The following SLX4IP variants were observed in gnomAD, a reference collection of about 807,000 sequenced individuals.
The protein encoded by SLX4IP is SLX4 interacting protein, also known as protein SLX4IP.
Under a neutral mutation model 32.9 loss-of-function variants are expected in SLX4IP, and 34 were observed. That is an observed-to-expected ratio of 1.03 (90% CI 0.79 to 1.38). The LOEUF (loss-of-function observed/expected upper bound fraction) is 1.38, where lower values mean the gene tolerates loss of function less well. Ranked by LOEUF, SLX4IP falls within the 40% of genes most tolerant of loss-of-function variation. The pLI, the probability that SLX4IP is intolerant of heterozygous loss-of-function variation, is 0.00. For missense variants in SLX4IP, 444 were observed against 479.0 expected, an observed-to-expected ratio of 0.93 and a Z score of 0.68; for synonymous variants, 172 against 171.7, an observed-to-expected ratio of 1.00 and a Z score of -0.01.
chr20:10,541,185 C>T (rs1210951781), intron 2 of SLX4IP, among the ~76,000 whole-genome samples: 2 of 152,180 alleles, frequency 1.3e-5, no homozygotes, highest in African/African-American at 4.8e-5. Context: ...TTTCTATTTA[C>T]AAGGAAAACA....
In SLX4IP at chr20:10,594,878, A is replaced by G. The variant is rs185037313; in HGVS notation, c.239-3797A>G. ...CTGTGGTTTGTCCTTTCTTTCTCTC[A>G]TATGCATTACTGACCACCTCTCCAT... On this transcript the variant is annotated intron_variant, in intron 4 of 7. Transcript: ENST00000334534. Among the ~76,000 whole-genome samples, 485 of 152,286 alleles carry G rather than the reference A, an allele frequency of 3.2e-3. 3 individuals are homozygous for G. The highest frequency in any genetic ancestry group is 6.8e-3 in the Middle Eastern group (2 of 294).
chr20:10,439,370 G>C (rs2065142499), intron 1 of SLX4IP, among the ~76,000 whole-genome samples: 1 of 152,026 alleles, frequency 6.6e-6, no homozygotes, highest in African/African-American at 2.4e-5. Flanking sequence ...CACTGTGCCT[G>C]GCTAATTTTT....
At position 10,478,145 on chromosome 20, in the gene SLX4IP, C is replaced by T. The variant is rs191593950; in HGVS notation, c.27+19914C>T. ...AACTCCTGAGCTCAGGCATTCCACC[C>T]GCCTCAGCCTCCCAAAGTGCTCGGA... is the stretch of plus-strand genomic sequence containing the variant. On this transcript the variant is annotated intron_variant, in intron 2 of 7. Coordinates refer to ENST00000334534, the MANE Select transcript of SLX4IP (RefSeq NM_001009608.3). 2.2e-4 allele frequency among the ~76,000 whole-genome samples: 33 copies of T among 151,826 alleles called. No homozygotes were observed. The East Asian group carries it at 5.4e-3, about 25-fold the overall frequency.
intron 2 of SLX4IP, among the ~76,000 whole-genome samples, chr20:10,500,615 G>A (rs1466837239): frequency 2.0e-5 from 3 of 152,218 alleles, no homozygotes; most frequent in East Asian, 3.9e-4. Flanking sequence ...AACCATGCGT[G>A]GTGGTGCACA....
At chr20:10,516,325 A>G (rs1183148407) in intron 2 of SLX4IP, among the ~76,000 whole-genome samples, 3 of 152,206 alleles carry the variant, frequency 2.0e-5, no homozygotes, top group Non-Finnish European at 4.4e-5. Context: ...TTTTTAGCTC[A>G]GAGAAAGTAA....
intron 4 of SLX4IP, among the ~76,000 whole-genome samples, chr20:10,572,959 G>A (rs953548262): frequency 1.3e-5 from 2 of 152,118 alleles, no homozygotes; most frequent in Non-Finnish European, 2.9e-5. Flanking sequence ...GACAAGAGGC[G>A]AAAAAGAAAA....
intron 6 of SLX4IP, among the ~76,000 whole-genome samples, chr20:10,616,560 T>G (rs149532452): frequency 2.6e-5 from 4 of 151,904 alleles, no homozygotes; most frequent in African/African-American, 9.7e-5. Context: ...CACACACCCC[T>G]CTTTCCTGCT....
chr20:10,486,786 A>G (rs971619069), intron 2 of SLX4IP, among the ~76,000 whole-genome samples: 9 of 152,208 alleles, frequency 5.9e-5, no homozygotes, highest in South Asian at 2.1e-4. Context: ...ATTACTTGAA[A>G]TCAACTTACA....
intron 4 of SLX4IP, among the ~76,000 whole-genome samples, chr20:10,567,050 G>C (rs1276664999): frequency 4.6e-5 from 7 of 152,172 alleles, no homozygotes; most frequent in Non-Finnish European, 8.8e-5. Flanking sequence ...CTGGCAAATT[G>C]GGCATTTGGC....
intron 5 of SLX4IP, among the ~76,000 whole-genome samples, chr20:10,599,600 A>T: frequency 6.7e-6 from 1 of 149,252 alleles, no homozygotes; most frequent in Non-Finnish European, 1.5e-5. Context: ...GGGTCTCACT[A>T]TGTTGCAGCT....
chr20:10,545,005 C>T (rs1163267430), intron 2 of SLX4IP, among the ~76,000 whole-genome samples: 1 of 152,088 alleles, frequency 6.6e-6, no homozygotes, highest in Non-Finnish European at 1.5e-5. Context: ...ACACCGGATC[C>T]TGGGCCCCTC....
At chr20:10,584,719 T>C (rs1004269283) in intron 4 of SLX4IP, among the ~76,000 whole-genome samples, 2 of 152,208 alleles carry the variant, frequency 1.3e-5, no homozygotes, top group Admixed American at 1.3e-4. Flanking sequence ...GGACTCATGA[T>C]TGGGAATTGG....
chr20:10,538,165 G>A (rs2066066153), intron 2 of SLX4IP, among the ~76,000 whole-genome samples: 1 of 152,084 alleles, frequency 6.6e-6, no homozygotes, highest in African/African-American at 2.4e-5. Context: ...ACACTCTTTG[G>A]CTGAGCATTT....
chr20:10,620,593 G>A (rs2067097371), intron 6 of SLX4IP, among the ~76,000 whole-genome samples: 1 of 151,660 alleles, frequency 6.6e-6, no homozygotes, highest in Non-Finnish European at 1.5e-5. Context: ...TCGCTCTGTT[G>A]CCCAGGCTGG....
In SLX4IP at chr20:10,474,522, TG is replaced by T. The variant is rs200114810; in HGVS notation, c.27+16292del. Among the ~76,000 whole-genome samples the T allele has an allele frequency of 6.3e-3, 952 of 152,316 alleles. 24 individuals are homozygous for T. The highest frequency in any genetic ancestry group is 0.033 in the Admixed American group (507 of 15,306). The stretch of plus-strand genomic sequence containing the variant: ...CCCTTCCCTTCTTTACTTTAGGTAT[TG>T]ATGTCCTCCATTTACATCTCTGTGG... On this transcript the variant is annotated intron_variant, in intron 2 of 7. Coordinates refer to ENST00000334534, the MANE Select transcript of SLX4IP (RefSeq NM_001009608.3).
intron 2 of SLX4IP, among the ~76,000 whole-genome samples, chr20:10,512,778 C>CTCTCTATATATA (rs1349788407): frequency 1.2e-4 from 3 of 25,656 alleles, no homozygotes; most frequent in African/African-American, 4.7e-4. Flanking sequence ...CACACACACT[C>CTCTCTATATATA]TATATATATA....
intron 6 of SLX4IP, among the ~76,000 whole-genome samples, chr20:10,618,931 C>CG (rs2067071574): frequency 2.9e-5 from 1 of 35,052 alleles, no homozygotes; most frequent in East Asian, 2.3e-3. Context: ...TGTTTGGGGG[C>CG]TTGGGGGTTG....
intron 4 of SLX4IP, among the ~76,000 whole-genome samples, chr20:10,574,832 C>G (rs1339468567): frequency 6.6e-6 from 1 of 152,034 alleles, no homozygotes; most frequent in Non-Finnish European, 1.5e-5. Flanking sequence ...GCCACCACGC[C>G]CAGCTAATTT....
At chr20:10,557,517 C>G (rs1413608721) in intron 3 of SLX4IP, among the ~76,000 whole-genome samples, 1 of 152,150 alleles carries the variant, frequency 6.6e-6, no homozygotes, top group African/African-American at 2.4e-5. Context: ...CATATAATTC[C>G]ACTCCTAGCT....
Sources: allele counts gnomAD v4.1 joint callset (sites outside exome capture counted in the v4.1 genomes callset), GRCh38; gene constraint gnomAD v4.1.1; transcripts MANE v1.5; gene names NCBI Gene and HGNC (gene_info 2026-07-23, HGNC 2026-07-21).